TLN2: variants seen among roughly 807,000 people sequenced by gnomAD.
TLN2 encodes talin 2.
Under a neutral mutation model 294.7 loss-of-function variants are expected in TLN2, and 118 were observed. The ratio of observed to expected loss-of-function variants is 0.40; its 90% confidence interval spans 0.34 to 0.47. TLN2 has a LOEUF of 0.47. Ranked by LOEUF, TLN2 falls within the 20% of genes least tolerant of loss-of-function variation. The pLI, the probability that TLN2 is intolerant of heterozygous loss-of-function variation, is 0.84. For synonymous variants in TLN2, 1,431 were observed against 1,304.5 expected (o/e 1.10, Z -2.09); for missense variants, 3,083 against 3,282.2 (o/e 0.94, Z 1.48).
chr15:62,526,213 T>C (rs775089931), intron 1 of TLN2, among the ~76,000 whole-genome samples: 1 of 152,176 alleles, frequency 6.6e-6, no homozygotes, highest in Non-Finnish European at 1.5e-5. Flanking sequence ...CACTGCAAGT[T>C]CTGCCTCCCA....
Position 62,800,426 on chromosome 15 carries a change from C to G in TLN2, c.6293C>G (p.Ala2098Gly). ...VAKALSDLIS[A>G]TKGAASKPVD... ...AAGGCCCTTTCTGATCTCATCAGTGCTACCAAGGGAGCTGCCAGCAAGCCA... is the reference window on the plus strand; with the variant it reads ...AAGGCCCTTTCTGATCTCATCAGTGGTACCAAGGGAGCTGCCAGCAAGCCA... Residue 2098 changes from alanine (A) to glycine (G), a missense_variant, in exon 49 of 59, where the codon GCT becomes GGT. Physicochemically the swap from Ala to Gly is moderately conservative, Grantham distance 60. Transcript: ENST00000636159. 1 of 1,614,212 alleles carries G rather than the reference C, an allele frequency of 6.2e-7. No homozygotes were observed. The highest frequency in any genetic ancestry group is 8.5e-7 in the Non-Finnish European group (1 of 1,180,046).
chr15:62,496,681 T>G lies in TLN2; in HGVS notation c.-237-93006T>G, dbSNP rs537995212. On this transcript the variant is annotated intron_variant, in intron 1 of 58. Transcript: ENST00000636159. ...GGAAATGGAACATTGACCTTATGCA[T>G]TGATGGCTGTGGTTTACCAATACCT... Among the ~76,000 whole-genome samples, 143 of 152,312 alleles carry G rather than the reference T, an allele frequency of 9.4e-4. 4 individuals are homozygous for G. In the South Asian group the frequency reaches 0.028, roughly 30 times the overall value.
At chr15:62,676,273 G>A (rs568283629) in intron 11 of TLN2, among the ~76,000 whole-genome samples, 1 of 152,270 alleles carries the variant, frequency 6.6e-6, no homozygotes, top group South Asian at 2.1e-4. Context: ...ATACCAAGAT[G>A]TTATGCATCA....
At chr15:62,411,803 C>T (rs1245794842) in intron 1 of TLN2, among the ~76,000 whole-genome samples, 1 of 151,970 alleles carries the variant, frequency 6.6e-6, no homozygotes, top group African/African-American at 2.4e-5. Context: ...AAAATGGGGG[C>T]CCTAGAAGCA....
chr15:62,679,351 A>G (rs1398621264), intron 11 of TLN2, among the ~76,000 whole-genome samples: 2 of 152,262 alleles, frequency 1.3e-5, no homozygotes, highest in African/African-American at 4.8e-5. Context: ...GTTAGCCAAA[A>G]GTAAGAAACA....
intron 3 of TLN2, among the ~76,000 whole-genome samples, chr15:62,631,151 G>A (rs185897331): frequency 6.6e-6 from 1 of 152,124 alleles, no homozygotes; most frequent in East Asian, 1.9e-4. Context: ...TATGAGTTCC[G>A]CAGCTTCTCA....
chr15:62,816,060 C>T (rs2067089971), intron 52 of TLN2, among the ~76,000 whole-genome samples: 1 of 152,214 alleles, frequency 6.6e-6, no homozygotes, highest in Non-Finnish European at 1.5e-5. Context: ...TAAGAGGAGT[C>T]ACAGACCCAC....
intron 23 of TLN2, 45 bp downstream of exon 23, chr15:62,716,504 A>G (rs2059781121): frequency 9.0e-6 from 14 of 1,559,172 alleles, no homozygotes; most frequent in Non-Finnish European, 1.2e-5. Context: ...CTTAAATTGC[A>G]AAGAGTTATT....
chr15:62,534,170 C>T (rs2041206946), intron 1 of TLN2, among the ~76,000 whole-genome samples: 1 of 152,008 alleles, frequency 6.6e-6, no homozygotes, highest in Non-Finnish European at 1.5e-5. Flanking sequence ...ACTCACCAAG[C>T]AATTCTCCAG....
intron 1 of TLN2, among the ~76,000 whole-genome samples, chr15:62,411,429 ATGTGTGTGTGTGTG>A (rs71125998): frequency 2.1e-4 from 29 of 136,682 alleles, no homozygotes; most frequent in African/African-American, 4.4e-4. Context: ...TGAGTAATGG[ATGTGTGTGTGTGTG>A]TGTGTGTGTG....
At chr15:62,561,665 CT>C (rs200031936) in intron 1 of TLN2, among the ~76,000 whole-genome samples, 3 of 151,490 alleles carry the variant, frequency 2.0e-5, no homozygotes, top group South Asian at 4.2e-4. Flanking sequence ...GTCTCTCTCT[CT>C]TTTTTTTTCC....
intron 1 of TLN2, among the ~76,000 whole-genome samples, chr15:62,463,499 T>C (rs2036931579): frequency 6.6e-6 from 1 of 152,114 alleles, no homozygotes; most frequent in African/African-American, 2.4e-5. Context: ...GTTAATGCGA[T>C]GTGAGTGCAT....
chr15:62,525,234 A>G (rs776497389), intron 1 of TLN2, among the ~76,000 whole-genome samples: 17 of 152,208 alleles, frequency 1.1e-4, no homozygotes, highest in Non-Finnish European at 2.2e-4. Context: ...TTGATTTGCT[A>G]AGGCCATCCA....
intron 1 of TLN2, among the ~76,000 whole-genome samples, chr15:62,453,260 T>A (rs1434876953): frequency 6.8e-5 from 1 of 14,748 alleles, no homozygotes; most frequent in African/African-American, 1.6e-4. Flanking sequence ...GTCAACCTAT[T>A]TTTTTTTTTT....
At chr15:62,678,854 G>GT (rs1336794407) in intron 11 of TLN2, among the ~76,000 whole-genome samples, 1 of 152,020 alleles carries the variant, frequency 6.6e-6, no homozygotes, top group Non-Finnish European at 1.5e-5. Flanking sequence ...AAATAAATCT[G>GT]TAAGAATTGA....
chr15:62,540,979 A>T lies in TLN2; in HGVS notation c.-237-48708A>T, dbSNP rs188236587. Among the ~76,000 whole-genome samples the T allele has an allele frequency of 5.0e-4, 76 of 152,252 alleles. 2 individuals carry two copies. The East Asian group carries it at 0.012, about 24-fold the overall frequency. On this transcript the variant is annotated intron_variant, in intron 1 of 58. Coordinates refer to ENST00000636159, the MANE Select transcript of TLN2 (RefSeq NM_015059.3). ...TTGCTCTGGTCCCTGCTCATGACAG[A>T]TCAAGAGGATGACTACCCAGGTCAG...
chr15:62,785,557 C>G (rs749372277), intron 45 of TLN2, among the ~76,000 whole-genome samples: 6 of 148,946 alleles, frequency 4.0e-5, no homozygotes, highest in Non-Finnish European at 8.9e-5. Context: ...AAGGTTGAGC[C>G]AGGAGAATTG....
intron 35 of TLN2, among the ~76,000 whole-genome samples, chr15:62,753,486 C>T (rs2141001439): frequency 6.6e-6 from 1 of 152,346 alleles, no homozygotes; most frequent in Non-Finnish European, 1.5e-5. Flanking sequence ...GTCAGGGCTG[C>T]ATCCATCCTT....
intron 2 of TLN2, among the ~76,000 whole-genome samples, chr15:62,615,739 T>C (rs1464446971): frequency 6.6e-6 from 1 of 152,224 alleles, no homozygotes; most frequent in Non-Finnish European, 1.5e-5. Context: ...TTTCAGTAAA[T>C]TCCTAGAAAT....
Sources: allele counts gnomAD v4.1 joint callset (sites outside exome capture counted in the v4.1 genomes callset), GRCh38; gene constraint gnomAD v4.1.1; transcripts MANE v1.5; gene names NCBI Gene and HGNC (gene_info 2026-07-23, HGNC 2026-07-21).